The following ANKS1B variants were observed in gnomAD, a reference collection of about 807,000 sequenced individuals.
The protein encoded by ANKS1B is ankyrin repeat and sterile alpha motif domain-containing protein 1B.
A neutral mutation model predicts 148.3 loss-of-function variants in ANKS1B; 36 were observed. The observed-to-expected ratio is 0.24, with a 90% CI of 0.19 to 0.32. The LOEUF (loss-of-function observed/expected upper bound fraction) is 0.32, where lower values mean the gene tolerates loss of function less well. ANKS1B is among the 10% of genes least tolerant of loss of function. ANKS1B has a pLI of 1.00. For missense variants in ANKS1B, 1,157 were observed against 1,542.6 expected, an observed-to-expected ratio of 0.75 and a Z score of 4.19; for synonymous variants, 542 against 560.8, an observed-to-expected ratio of 0.97 and a Z score of 0.47.
intron 11 of ANKS1B, among the ~76,000 whole-genome samples, chr12:99,412,865 A>T (rs1332575021): frequency 1.3e-5 from 2 of 152,202 alleles, no homozygotes; most frequent in African/African-American, 4.8e-5. Flanking sequence ...TTCATCACAG[A>T]TGTCATGCAA....
At chr12:99,437,172 T>C (rs183143017) in intron 11 of ANKS1B, among the ~76,000 whole-genome samples, 27 of 152,138 alleles carry the variant, frequency 1.8e-4, no homozygotes, top group African/African-American at 4.6e-4. Flanking sequence ...CTCTTTCAGA[T>C]TGCAGATTGC....
In ANKS1B at chr12:99,327,275, TATTATA is replaced by T. The variant is rs929388738; in HGVS notation, c.1756+72350_1756+72355del. On this transcript the variant is annotated intron_variant, in intron 12 of 26. Transcript: ENST00000683438. Reference sequence around the variant, plus strand: ...TATAATTATATAAATAATTATAATTTATTATAATTATAACATATAAAATATGTAATT... The same window carrying T: ...TATAATTATATAAATAATTATAATTTATTATAACATATAAAATATGTAATT... Among the ~76,000 whole-genome samples, 27 of 114,918 alleles carry T rather than the reference TATTATA, an allele frequency of 2.3e-4. No individual in the cohort carries two copies. The Admixed American group carries it at 2.5e-3, about 10-fold the overall frequency. 75.4% of individuals were successfully genotyped at this position (114,918 alleles called of 152,430 possible).
chr12:99,443,928 G>T, intron 10 of ANKS1B, 119 bp from the exon 11 acceptor site: 6 of 1,160,642 alleles, frequency 5.2e-6, no homozygotes, highest in Non-Finnish European at 7.3e-6. Context: ...TCAATTACAA[G>T]ATCATAATGA....
intron 9 of ANKS1B, among the ~76,000 whole-genome samples, chr12:99,541,873 T>C (rs1320775587): frequency 5.3e-5 from 8 of 151,102 alleles, no homozygotes; most frequent in Non-Finnish European, 1.2e-4. Flanking sequence ...AAGAGTAACA[T>C]GCTTCCATGA....
At chr12:98,861,706 T>C in intron 17 of ANKS1B, among the ~76,000 whole-genome samples, 1 of 152,240 alleles carries the variant, frequency 6.6e-6, no homozygotes, top group East Asian at 1.9e-4. Flanking sequence ...TCTGAAGATA[T>C]TCATAACATA....
Position 98,967,751 on chromosome 12 carries a change from TAAAAAA to T in ANKS1B, c.2778+85400_2778+85405del, listed in dbSNP as rs544792811. Among the ~76,000 whole-genome samples, 6 of 81,358 alleles carry T rather than the reference TAAAAAA, an allele frequency of 7.4e-5. No homozygotes were observed. In the East Asian group the frequency reaches 1.8e-3, roughly 24 times the overall value. The allele number at this position is 81,358 out of a possible 152,430, so 53.4% of individuals were successfully genotyped here. ...GGTAGATTTTGGAGACAGACAAATC[TAAAAAA>T]AAAAAAAAAAAAAAGAAATGAAGGT... is the stretch of plus-strand genomic sequence containing the variant. On this transcript the variant is annotated intron_variant, in intron 17 of 26. Transcript: ENST00000683438.
intron 9 of ANKS1B, among the ~76,000 whole-genome samples, chr12:99,586,304 T>A (rs185572233): frequency 1.6e-4 from 25 of 152,322 alleles, no homozygotes; most frequent in Admixed American, 1.2e-3. Context: ...GCCACCAGTC[T>A]CCTTGCATAG....
intron 1 of ANKS1B, among the ~76,000 whole-genome samples, chr12:99,900,033 G>A (rs929141517): frequency 2.0e-5 from 3 of 151,676 alleles, no homozygotes; most frequent in African/African-American, 7.3e-5. Flanking sequence ...CAAGTAGCTG[G>A]GACTACAGGC....
chr12:99,615,732 T>C (rs1416378999), intron 9 of ANKS1B, among the ~76,000 whole-genome samples: 4 of 152,080 alleles, frequency 2.6e-5, no homozygotes, highest in Non-Finnish European at 5.9e-5. Context: ...AAAACCAGCA[T>C]AAGATAAGGA....
chr12:99,282,512 G>A (rs764065892), intron 12 of ANKS1B, among the ~76,000 whole-genome samples: 19 of 152,280 alleles, frequency 1.2e-4, no homozygotes, highest in Admixed American at 4.6e-4. Context: ...ATAGACTGTA[G>A]GGAAGAGAAG....
intron 1 of ANKS1B, among the ~76,000 whole-genome samples, chr12:99,959,883 A>T (rs2095384712): frequency 6.6e-6 from 1 of 152,222 alleles, no homozygotes; most frequent in Non-Finnish European, 1.5e-5. Flanking sequence ...CAAAATTTTA[A>T]ATAACATCAT....
chr12:99,187,072 A>G (rs2079968851), intron 14 of ANKS1B, among the ~76,000 whole-genome samples: 1 of 151,906 alleles, frequency 6.6e-6, no homozygotes, highest in Non-Finnish European at 1.5e-5. Context: ...TTGATCAAGC[A>G]GAAGAAAGGA....
At chr12:98,998,982 A>G (rs2099931312) in intron 17 of ANKS1B, among the ~76,000 whole-genome samples, 1 of 152,248 alleles carries the variant, frequency 6.6e-6, no homozygotes, top group African/African-American at 2.4e-5. Flanking sequence ...ATCAGTGGTT[A>G]TAATCTCTTT....
chr12:99,713,044 C>T (rs776565614), intron 8 of ANKS1B, among the ~76,000 whole-genome samples: 15 of 152,176 alleles, frequency 9.9e-5, no homozygotes, highest in Non-Finnish European at 2.2e-4. Context: ...GGCAGTGTTT[C>T]TGCTGATACA....
At chr12:99,306,891 G>C (rs1602650644) in intron 12 of ANKS1B, among the ~76,000 whole-genome samples, 2 of 151,860 alleles carry the variant, frequency 1.3e-5, no homozygotes, top group East Asian at 3.9e-4. Flanking sequence ...CATTCTAATG[G>C]TTTTTATCTA....
chr12:99,594,348 C>T (rs532291689), intron 9 of ANKS1B, among the ~76,000 whole-genome samples: 2 of 152,174 alleles, frequency 1.3e-5, no homozygotes, highest in Non-Finnish European at 2.9e-5. Flanking sequence ...TTAGCAATCC[C>T]ACTTTTGAGT....
chr12:99,698,989 C>CGCAAGCACATGT (rs1278469641), intron 8 of ANKS1B, among the ~76,000 whole-genome samples: 1 of 137,432 alleles, frequency 7.3e-6, no homozygotes, highest in Admixed American at 7.6e-5. Flanking sequence ...CACGCACGTG[C>CGCAAGCACATGT]GCAAGCACAT....
At chr12:99,671,274 G>A (rs1344819687) in intron 8 of ANKS1B, among the ~76,000 whole-genome samples, 1 of 151,988 alleles carries the variant, frequency 6.6e-6, no homozygotes, top group Non-Finnish European at 1.5e-5. Context: ...GTTCTATTTT[G>A]TCCTTAGATG....
chr12:99,639,313 A>G (rs1004506095), intron 9 of ANKS1B, among the ~76,000 whole-genome samples: 1 of 152,214 alleles, frequency 6.6e-6, no homozygotes, highest in Non-Finnish European at 1.5e-5. Flanking sequence ...ACAGGAAGTA[A>G]CTAACTTGCT....
Sources: gnomAD v4.1 joint callset for allele counts (sites outside exome capture counted in the v4.1 genomes callset) on GRCh38, gnomAD v4.1.1 for gene constraint, MANE v1.5 for transcripts, NCBI Gene and HGNC (gene_info 2026-07-23, HGNC 2026-07-21) for gene names.